Variants in SLC7A2 observed in about 807,000 individuals in gnomAD.
SLC7A2 encodes cationic amino acid transporter 2.
A neutral mutation model predicts 58.9 loss-of-function variants in SLC7A2; 48 were observed. The observed-to-expected ratio is 0.82, with a 90% confidence interval of 0.65 to 1.04. The LOEUF is 1.04. Among genes scored for constraint, SLC7A2 ranks in the 50% least tolerant of loss-of-function variants. The pLI, the probability that SLC7A2 is intolerant of heterozygous loss-of-function variation, is 0.00. For missense variants in SLC7A2, 1,029 were observed against 818.8 expected, an observed-to-expected ratio of 1.26 and a Z score of -3.13; for synonymous variants, 363 against 314.5, an observed-to-expected ratio of 1.15 and a Z score of -1.63.
rs1563481081 is a variant in SLC7A2, at chr8:17,558,366, T to C, written c.1267T>C (p.Ser423Pro). ...MMSIGTLMAY[S>P]LVAACVLILR... ...GTCCATTGGCACACTCATGGCCTAC[T>C]CTCTGGTGGCAGCCTGTGTTCTCAT... is the stretch of plus-strand genomic sequence containing the variant. Residue 423 changes from serine (S) to proline (P), a missense_variant, in exon 9 of 13, where the codon TCT (serine) becomes CCT (proline). By Grantham distance (74) the Ser-to-Pro change is moderately conservative. Transcript: ENST00000494857. The C allele has an allele frequency of 6.2e-7, 1 of 1,613,338 alleles. No individual in the cohort carries two copies. Among genetic ancestry groups the C allele is most frequent in the South Asian group, 1.1e-5 (1 of 90,896 alleles).
rs193252232 is a variant in SLC7A2 at position 17,539,456 on chromosome 8, A to G, written c.-22-3862A>G. 1.2e-4 allele frequency among the ~76,000 whole-genome samples: 19 copies of G among 152,260 alleles called. No homozygotes were observed. The East Asian group carries it at 3.5e-3, about 28-fold the overall frequency. On this transcript the variant is annotated intron_variant, in intron 2 of 12. Transcript: ENST00000494857. Reference sequence around the variant, plus strand: ...CTCCCTTCGCTAATTCTATTTTCAGATCTAAGCTAATATGCACATATTTAT... The same window carrying G: ...CTCCCTTCGCTAATTCTATTTTCAGGTCTAAGCTAATATGCACATATTTAT...
intron 12 of SLC7A2, among the ~76,000 whole-genome samples, chr8:17,564,522 A>G (rs1230485864): frequency 6.6e-6 from 1 of 152,170 alleles, no homozygotes; most frequent in Non-Finnish European, 1.5e-5. Context: ...GTTTTGTGGA[A>G]GACAGTTTTT....
intron 11 of SLC7A2, 39 bp downstream of exon 11, chr8:17,562,149 T>C (rs1176397053): frequency 1.4e-6 from 2 of 1,448,012 alleles, no homozygotes; most frequent in Middle Eastern, 1.8e-4. Flanking sequence ...AATACTGTAT[T>C]CATTTTCTCT....
chr8:17,550,506 A>G (rs1802398593), intron 6 of SLC7A2, 72 bp downstream of exon 6: 1 of 1,444,480 alleles, frequency 6.9e-7, no homozygotes, highest in Non-Finnish European at 9.5e-7. Context: ...GTGTGGTAGC[A>G]GAGGGTCCAG....
chr8:17,516,971 A>C (rs1479482536), intron 2 of SLC7A2, among the ~76,000 whole-genome samples: 1 of 152,206 alleles, frequency 6.6e-6, no homozygotes, highest in Non-Finnish European at 1.5e-5. Context: ...TGTCCCCACA[A>C]TCAACACTGA....
chr8:17,538,917 T>C, intron 2 of SLC7A2: 1 of 1,612,964 alleles, frequency 6.2e-7, no homozygotes, highest in Non-Finnish European at 8.5e-7. Context: ...ACAGCAAGTT[T>C]CTCCTGTAAG....
chr8:17,520,815 C>T lies in SLC7A2; in HGVS notation c.-23+18513C>T, dbSNP rs184659942. On this transcript the variant is annotated intron_variant, in intron 2 of 12. Transcript: ENST00000494857. Reference sequence around the variant, plus strand: ...CAGAGGATATTTTTAAATAGAGCAGCATGTTTATTTTGTACTCCAGTATTG... The same window carrying T: ...CAGAGGATATTTTTAAATAGAGCAGTATGTTTATTTTGTACTCCAGTATTG... The T allele has an allele frequency of 1.5e-5, 8 of 533,384 alleles. No homozygotes were observed. The East Asian group carries it at 1.0e-3, about 68-fold the overall frequency. The allele number at this position is 533,384 out of a possible 1,614,324, so 33.0% of individuals were successfully genotyped here. A position where few individuals can be genotyped will look rare whatever the true frequency, so the allele number is the denominator to read the frequency against.
At chr8:17,531,551 T>C (rs1801451763) in intron 2 of SLC7A2, among the ~76,000 whole-genome samples, 1 of 152,138 alleles carries the variant, frequency 6.6e-6, no homozygotes, top group East Asian at 1.9e-4. Context: ...TTTATTTAAA[T>C]ATTTTAAAAT....
intron 12 of SLC7A2, 60 bp downstream of exon 12, chr8:17,563,771 G>C: frequency 2.2e-6 from 2 of 917,170 alleles, no homozygotes; most frequent in Non-Finnish European, 3.5e-6. Context: ...AGAGAAACAT[G>C]CCCTCTCCCC....
At chr8:17,559,929 T>C (rs1364749007) in intron 9 of SLC7A2, among the ~76,000 whole-genome samples, 1 of 152,216 alleles carries the variant, frequency 6.6e-6, no homozygotes, top group African/African-American at 2.4e-5. Flanking sequence ...TGATGAGGCC[T>C]TTGAATGCCA....
intron 2 of SLC7A2, among the ~76,000 whole-genome samples, chr8:17,527,712 G>T (rs919257764): frequency 6.6e-6 from 1 of 152,044 alleles, no homozygotes; most frequent in Non-Finnish European, 1.5e-5. Flanking sequence ...GGCATTCTTC[G>T]TGTGTCTCAC....
chr8:17,560,894 C>G (rs1802946472), intron 10 of SLC7A2, among the ~76,000 whole-genome samples: 1 of 152,074 alleles, frequency 6.6e-6, no homozygotes, highest in South Asian at 2.1e-4. Flanking sequence ...ATAGAAAATC[C>G]TTGTTTGTTT....
upstream of SLC7A2, among the ~76,000 whole-genome samples, chr8:17,496,102 A>G (rs1417511277): frequency 6.6e-6 from 1 of 152,236 alleles, no homozygotes; most frequent in African/African-American, 2.4e-5. Context: ...CTCCAATACT[A>G]TGCAAAGTAA....
chr8:17,501,350 A>C (rs78190442), intron 1 of SLC7A2, among the ~76,000 whole-genome samples: 10,812 of 152,240 alleles, frequency 0.071, 547 homozygotes, highest in Non-Finnish European at 0.1. Context: ...TTTCTGAGAA[A>C]GGCCTCTGCT....
Position 17,567,652 on chromosome 8 carries a change from G to A in SLC7A2, c.*2506G>A, listed in dbSNP as rs976935501. On this transcript the variant is annotated 3_prime_UTR_variant, in exon 13 of 13. Transcript: ENST00000494857. ...GGGCTTTGACTATGTCATTAGGTGG[G>A]TACAAAACCCAACTGATGTGGAGAA... The A allele has an allele frequency of 3.9e-5, 6 of 152,526 alleles. No individual in the cohort carries two copies. The highest frequency in any genetic ancestry group is 1.4e-4 in the African/African-American group (6 of 41,404). 9.4% of individuals were successfully genotyped at this position (152,526 alleles called of 1,614,324 possible). A position where few individuals can be genotyped will look rare whatever the true frequency, so the allele number is the denominator to read the frequency against.
At position 17,551,849 on chromosome 8, in the gene SLC7A2, C is replaced by T. The variant is rs1487741871; in HGVS notation, c.918C>T (p.Val306=). The change falls in exon 7 of 13, where the codon GTC becomes GTT. Residue 306 remains valine (V), a synonymous_variant. Transcript: ENST00000494857. ...LLVCFMAYFG[V]SAALTLMMPY... is the part of the protein sequence containing the mutation. ...TTTGCTTTATGGCCTATTTTGGGGT[C>T]TCTGCAGCTTTAACACTTATGATGC... is the stretch of plus-strand genomic sequence containing the variant. 8 of 1,613,664 alleles carry T rather than the reference C, an allele frequency of 5.0e-6. No homozygotes were observed. Among genetic ancestry groups the T allele is most frequent in the South Asian group, 1.1e-5 (1 of 91,076 alleles).
intron 8 of SLC7A2, among the ~76,000 whole-genome samples, chr8:17,557,127 C>T (rs1359084129): frequency 6.6e-6 from 1 of 152,104 alleles, no homozygotes; most frequent in South Asian, 2.1e-4. Context: ...TTTTATATGC[C>T]TAAACATAAA....
At chr8:17,531,427 T>G (rs947134066) in intron 2 of SLC7A2, among the ~76,000 whole-genome samples, 39 of 152,102 alleles carry the variant, frequency 2.6e-4, no homozygotes, top group Admixed American at 7.2e-4. Flanking sequence ...ACTCCATGAG[T>G]AGTATGATAT....
intron 2 of SLC7A2, among the ~76,000 whole-genome samples, chr8:17,538,516 T>C (rs1224986198): frequency 6.6e-6 from 1 of 152,232 alleles, no homozygotes; most frequent in African/African-American, 2.4e-5. Flanking sequence ...CATTATACTT[T>C]TGATGAATTT....
Sources: allele counts gnomAD v4.1 joint callset (sites outside exome capture counted in the v4.1 genomes callset), GRCh38; gene constraint gnomAD v4.1.1; transcripts MANE v1.5; gene names NCBI Gene and HGNC (gene_info 2026-07-23, HGNC 2026-07-21).